Variants in DLG1 observed in about 807,000 individuals in gnomAD.
The protein encoded by DLG1 is disks large homolog 1.
In DLG1, 42 loss-of-function variants were observed where a neutral mutation model predicts 123.4. The observed-to-expected ratio is 0.34, with a 90% CI of 0.27 to 0.44. The LOEUF is 0.44. Ranked by LOEUF, DLG1 falls within the 20% of genes least tolerant of loss-of-function variation. DLG1 has a pLI of 1.00. For synonymous variants in DLG1, 317 were observed against 356.2 expected, an observed-to-expected ratio of 0.89 and a Z score of 1.24; for missense variants, 942 against 1,082.6, an observed-to-expected ratio of 0.87 and a Z score of 1.82.
Position 197,289,341 on chromosome 3 carries a change from T to C in DLG1, c.152-6496A>G, listed in dbSNP as rs374956829. On this transcript the variant is annotated intron_variant, in intron 3 of 24. Transcript: ENST00000667157. ...GGGGGGTGGCGTGTATACACGCGCA[T>C]ACACACACACACACACACACACACA... is the stretch of plus-strand genomic sequence containing the variant. 1.1e-3 allele frequency among the ~76,000 whole-genome samples: 168 copies of C among 150,396 alleles called. 4 individuals are homozygous for C. In the East Asian group the frequency reaches 0.027, roughly 24 times the overall value.
intron 4 of DLG1, among the ~76,000 whole-genome samples, chr3:197,265,710 C>A (rs1017829945): frequency 2.0e-5 from 3 of 152,174 alleles, no homozygotes; most frequent in African/African-American, 7.2e-5. Context: ...ATATACTGGG[C>A]AGTGGGGATA....
chr3:197,283,649 C>T (rs1436627152), intron 3 of DLG1, among the ~76,000 whole-genome samples: 3 of 152,258 alleles, frequency 2.0e-5, no homozygotes, highest in South Asian at 2.1e-4. Flanking sequence ...AGATTCACCA[C>T]GCTTAATTCC....
intron 20 of DLG1, 152 bp from the exon 21 acceptor site, chr3:197,065,961 C>T: frequency 1.8e-6 from 1 of 548,552 alleles, no homozygotes. Context: ...AGATGCGTAA[C>T]TTGCTCTTTT....
At chr3:197,232,614 C>T (rs534156835) in intron 4 of DLG1, among the ~76,000 whole-genome samples, 41 of 152,068 alleles carry the variant, frequency 2.7e-4, no homozygotes, top group Admixed American at 2.5e-3. Flanking sequence ...AGCAAATGAA[C>T]TTGTTAGAAA....
intron 5 of DLG1, among the ~76,000 whole-genome samples, chr3:197,189,310 C>G (rs746124891): frequency 6.6e-6 from 1 of 152,054 alleles, no homozygotes; most frequent in African/African-American, 2.4e-5. Flanking sequence ...TATTATGTAT[C>G]AAGTTTAAAG....
rs370542105 is a variant in DLG1, at chr3:197,210,623, TTA to T, written c.319-16036_319-16035del. On this transcript the variant is annotated intron_variant, in intron 4 of 24. Transcript: ENST00000667157. ...AGTAAATGTGAGTGGCCTCTCAAATTTATATATATATATATAAGTCTTTATAA... is the reference window on the plus strand; with the variant it reads ...AGTAAATGTGAGTGGCCTCTCAAATTTATATATATATATAAGTCTTTATAA... Among the ~76,000 whole-genome samples the T allele has an allele frequency of 9.5e-3, 1,332 of 140,452 alleles. 48 individuals are homozygous for T. Among genetic ancestry groups the T allele is most frequent in the African/African-American group, 0.03 (1,205 of 40,276 alleles). The allele number at this position is 140,452 out of a possible 152,430, so 92.1% of individuals were successfully genotyped here. A position where few individuals can be genotyped will look rare whatever the true frequency, so the allele number is the denominator to read the frequency against.
chr3:197,144,040 G>C (rs1789430135), intron 6 of DLG1, among the ~76,000 whole-genome samples: 1 of 152,156 alleles, frequency 6.6e-6, no homozygotes, highest in Non-Finnish European at 1.5e-5. Flanking sequence ...ATCAAATGTG[G>C]ACTGTGATAA....
chr3:197,090,300 A>G (rs925688956), intron 15 of DLG1, among the ~76,000 whole-genome samples: 1 of 83,740 alleles, frequency 1.2e-5, no homozygotes, highest in African/African-American at 4.8e-5. Context: ...TTATAAGCCA[A>G]CGAAATGAAA....
intron 4 of DLG1, among the ~76,000 whole-genome samples, chr3:197,274,517 C>T (rs147167034): frequency 2.0e-5 from 3 of 151,874 alleles, no homozygotes; most frequent in African/African-American, 4.8e-5. Flanking sequence ...CGACACGACA[C>T]GATACGATAC....
At position 197,051,510 on chromosome 3, in the gene DLG1, G is replaced by A. The variant is rs1578137396; in HGVS notation, c.2575+67C>T. On this transcript the variant is annotated intron_variant, in intron 24 of 24. Coordinates refer to ENST00000667157, the MANE Select transcript of DLG1 (RefSeq NM_001366207.1). ...GGCATAGTTCAAAATCCACCTGAACGGGTCGGTTCACATGGCTTCAAAGCA... is the reference window on the plus strand; with the variant it reads ...GGCATAGTTCAAAATCCACCTGAACAGGTCGGTTCACATGGCTTCAAAGCA... 33 of 1,203,212 alleles carry A rather than the reference G, an allele frequency of 2.7e-5. No individual in the cohort carries two copies. In the East Asian group the frequency reaches 6.7e-4, roughly 25 times the overall value. The allele number at this position is 1,203,212 out of a possible 1,614,324, so 74.5% of individuals were successfully genotyped here. A position where few individuals can be genotyped will look rare whatever the true frequency, so the allele number is the denominator to read the frequency against.
chr3:197,265,580 G>C (rs1761336210), intron 4 of DLG1, among the ~76,000 whole-genome samples: 1 of 152,190 alleles, frequency 6.6e-6, no homozygotes, highest in Non-Finnish European at 1.5e-5. Flanking sequence ...CGAGTCTTCA[G>C]ATTAGTTTTG....
At chr3:197,143,641 G>A (rs1789197697) in intron 6 of DLG1, among the ~76,000 whole-genome samples, 1 of 152,136 alleles carries the variant, frequency 6.6e-6, no homozygotes, top group Non-Finnish European at 1.5e-5. Flanking sequence ...AACTCTATGG[G>A]TTGGTAATCA....
At chr3:197,059,533 T>TA (rs1734300282) in intron 23 of DLG1, among the ~76,000 whole-genome samples, 1 of 149,716 alleles carries the variant, frequency 6.7e-6, no homozygotes, top group African/African-American at 2.5e-5. Flanking sequence ...AATTTTTACT[T>TA]AGATTCTATT....
intron 4 of DLG1, among the ~76,000 whole-genome samples, chr3:197,257,636 C>G (rs1222036812): frequency 6.6e-6 from 1 of 152,056 alleles, no homozygotes; most frequent in East Asian, 1.9e-4. Context: ...AATGAAACAC[C>G]TGAACTTAAA....
intron 7 of DLG1, among the ~76,000 whole-genome samples, chr3:197,141,132 T>A (rs1266855131): frequency 1.3e-5 from 2 of 152,260 alleles, no homozygotes; most frequent in Admixed American, 6.5e-5. Context: ...ATCATTTAAC[T>A]GTTAGTATTA....
chr3:197,083,071 G>C (rs1406914671), intron 16 of DLG1, among the ~76,000 whole-genome samples: 1 of 152,104 alleles, frequency 6.6e-6, no homozygotes, highest in Non-Finnish European at 1.5e-5. Context: ...TTCTATTTCT[G>C]GAAAAAAGTT....
At chr3:197,108,493 C>A (rs9821148) in intron 13 of DLG1, among the ~76,000 whole-genome samples, 1 of 152,016 alleles carries the variant, frequency 6.6e-6, no homozygotes, top group Non-Finnish European at 1.5e-5. Flanking sequence ...TATTAAAATT[C>A]TCTATTTCTT....
At position 197,114,987 on chromosome 3, in the gene DLG1, G is replaced by GA. The variant is rs375841391; in HGVS notation, c.1443+939dup. On this transcript the variant is annotated intron_variant, in intron 13 of 24. Coordinates refer to ENST00000667157, the MANE Select transcript of DLG1 (RefSeq NM_001366207.1). ...CAACAGAGCGAGACTCCATCTCAAG[G>GA]AAAAAAAAAAAAAAAAAAAAAAAGG... Among the ~76,000 whole-genome samples, 562 of 85,992 alleles carry GA rather than the reference G, an allele frequency of 6.5e-3. 5 individuals carry two copies. Among genetic ancestry groups the GA allele is most frequent in the Middle Eastern group, 0.025 (3 of 120 alleles). The allele number at this position is 85,992 out of a possible 152,430, so 56.4% of individuals were successfully genotyped here.
chr3:197,144,826 ATAT>A (rs1011653512), intron 6 of DLG1, among the ~76,000 whole-genome samples: 5 of 152,140 alleles, frequency 3.3e-5, no homozygotes, highest in African/African-American at 1.2e-4. Flanking sequence ...AAAGGCATTT[ATAT>A]AGAGAGAGTT....
Sources: allele counts gnomAD v4.1 joint callset (sites outside exome capture counted in the v4.1 genomes callset), GRCh38; gene constraint gnomAD v4.1.1; transcripts MANE v1.5; gene names NCBI Gene and HGNC (gene_info 2026-07-23, HGNC 2026-07-21).